MTPN: variants seen among roughly 807,000 people sequenced by gnomAD.
MTPN encodes myotrophin, also known as granule cell differentiation protein.
In MTPN, 2 loss-of-function variants were observed where a neutral mutation model predicts 13.5. The ratio of observed to expected loss-of-function variants is 0.15; its 90% CI spans 0.06 to 0.47. MTPN has a LOEUF of 0.47. Among genes scored for constraint, MTPN ranks in the 20% least tolerant of loss-of-function variants. MTPN has a pLI of 0.97. For synonymous variants in MTPN, 46 were observed against 51.7 expected (o/e 0.89, Z 0.48); for missense variants, 79 against 137.9 (o/e 0.57, Z 2.14).
chr7:135,972,470 T>C (rs940172831), intron 1 of MTPN, among the ~76,000 whole-genome samples: 3 of 152,206 alleles, frequency 2.0e-5, no homozygotes, highest in Non-Finnish European at 2.9e-5. Flanking sequence ...ATGTAAGTCA[T>C]CCAGTCAATG....
chr7:135,941,204 G>C (rs1005792153), intron 3 of MTPN, among the ~76,000 whole-genome samples: 1 of 152,162 alleles, frequency 6.6e-6, no homozygotes, highest in African/African-American at 2.4e-5. Flanking sequence ...CTAAAAATAG[G>C]AAAGACCATT....
chr7:135,940,750 C>T (rs1207558414), intron 3 of MTPN, among the ~76,000 whole-genome samples: 1 of 152,162 alleles, frequency 6.6e-6, no homozygotes, highest in Non-Finnish European at 1.5e-5. Flanking sequence ...GAATTTATTA[C>T]CTTTAGATAT....
Position 135,954,680 on chromosome 7 carries a change from C to T in MTPN, c.73-3050G>A, listed in dbSNP as rs199654781. Reference sequence around the variant, plus strand: ...CTTCAGGGCTGGGCACGGTGGCTCACGCCTGTAATCCTAGCACTTTGGGAG... The same window carrying T: ...CTTCAGGGCTGGGCACGGTGGCTCATGCCTGTAATCCTAGCACTTTGGGAG... On this transcript the variant is annotated intron_variant, in intron 1 of 3. Coordinates refer to ENST00000393085, the MANE Select transcript of MTPN (RefSeq NM_145808.4). Among the ~76,000 whole-genome samples the T allele has an allele frequency of 2.3e-3, 348 of 152,284 alleles. 2 individuals are homozygous for T. The highest frequency in any genetic ancestry group is 3.9e-3 in the Non-Finnish European group (266 of 68,022).
Position 135,927,543 on chromosome 7 carries a change from A to G in MTPN, c.*2383T>C, listed in dbSNP as rs765800907. 1.9e-5 allele frequency: 15 copies of G among 777,170 alleles called. No individual in the cohort carries two copies. In the African/African-American group the frequency reaches 2.6e-4, roughly 14 times the overall value. 48.1% of individuals were successfully genotyped at this position (777,170 alleles called of 1,614,324 possible). On this transcript the variant is annotated 3_prime_UTR_variant, in exon 4 of 4. Transcript: ENST00000393085. The stretch of plus-strand genomic sequence containing the variant: ...TACTTAACCTTTCGCTAATGCATGT[A>G]GTACCAGAAAGCAAACATGGTTTTA...
intron 1 of MTPN, among the ~76,000 whole-genome samples, chr7:135,964,093 AAC>A (rs2116398547): frequency 6.6e-6 from 1 of 152,212 alleles, no homozygotes; most frequent in Admixed American, 6.5e-5. Flanking sequence ...AAAAAAGACT[AAC>A]AATCAAAAAG....
chr7:135,977,346 G>A lies in MTPN; in HGVS notation c.-246C>T, dbSNP rs1037822096. On this transcript the variant is annotated 5_prime_UTR_variant, in exon 1 of 4. Coordinates refer to ENST00000393085, the MANE Select transcript of MTPN (RefSeq NM_145808.4). ...GTTCCGCCTGGCCGAGGAGAGGCAG[G>A]AACCTTTACACTTCCGGTTCACTCC... is the stretch of plus-strand genomic sequence containing the variant. The A allele has an allele frequency of 3.6e-5, 20 of 555,274 alleles. No homozygotes were observed. Among genetic ancestry groups the A allele is most frequent in the Non-Finnish European group, 9.7e-6 (3 of 309,008 alleles). The allele number at this position is 555,274 out of a possible 1,614,324, so 34.4% of individuals were successfully genotyped here.
intron 3 of MTPN, among the ~76,000 whole-genome samples, chr7:135,934,573 C>T (rs1430985146): frequency 6.6e-6 from 1 of 152,230 alleles, no homozygotes; most frequent in Non-Finnish European, 1.5e-5. Context: ...TGGACAACTA[C>T]AACCTAGGGT....
chr7:135,930,261 T>G (rs6467618), intron 3 of MTPN, among the ~76,000 whole-genome samples: 12,119 of 152,252 alleles, frequency 0.08, 538 homozygotes, highest in South Asian at 0.15. Context: ...TATACTATCA[T>G]GGATGAGATG....
chr7:135,930,168 C>T (rs1798995903), intron 3 of MTPN, among the ~76,000 whole-genome samples, 156 bp from the exon 4 acceptor site: 1 of 152,126 alleles, frequency 6.6e-6, no homozygotes, highest in Non-Finnish European at 1.5e-5. Flanking sequence ...AACAAGTTGG[C>T]AACATTATGG....
chr7:135,933,011 A>G (rs1799048662), intron 3 of MTPN: 1 of 150,580 alleles, frequency 6.6e-6, no homozygotes, highest in African/African-American at 2.5e-5. Flanking sequence ...AATCACTTGA[A>G]CCCAGGAGGC....
At chr7:135,973,465 A>T (rs1799726544) in intron 1 of MTPN, among the ~76,000 whole-genome samples, 2 of 150,702 alleles carry the variant, frequency 1.3e-5, no homozygotes, top group South Asian at 2.1e-4. Flanking sequence ...TGGAGACACA[A>T]TAGGAATAAA....
Position 135,950,682 on chromosome 7 carries a change from C to T in MTPN, c.187G>A (p.Ala63Thr). 1.3e-6 allele frequency: 2 copies of T among 1,599,250 alleles called. No homozygotes were observed. Among genetic ancestry groups the T allele is most frequent in the Non-Finnish European group, 1.7e-6 (2 of 1,168,968 alleles). ...FLLLKGADIN[A>T]PDKHHITPLL... The stretch of plus-strand genomic sequence containing the variant: ...GGAGTAATATGATGTTTATCTGGAG[C>T]CTATGAAATAATAAACAGAGATAAC... The change falls in exon 3 of 4, where the codon GCT (alanine) becomes ACT (threonine). Residue 63 changes from alanine to threonine, a missense_variant and splice_region_variant. Ala to Thr is a moderately conservative substitution (Grantham distance 58). Transcript: ENST00000393085.
intron 1 of MTPN, 34 bp downstream of exon 1, chr7:135,976,995 C>T: frequency 6.2e-7 from 1 of 1,605,616 alleles, no homozygotes; most frequent in Non-Finnish European, 8.5e-7. Flanking sequence ...AGCCCACCTC[C>T]GTGTTCTCGC....
chr7:135,964,117 A>G (rs138771800), intron 1 of MTPN, among the ~76,000 whole-genome samples: 153 of 152,200 alleles, frequency 1.0e-3, no homozygotes, highest in African/African-American at 3.4e-3. Flanking sequence ...AGCTTCATTT[A>G]TAAGATTCTA....
rs145602575 is a variant in MTPN, at chr7:135,935,269, C to T, written c.271-5257G>A. On this transcript the variant is annotated intron_variant, in intron 3 of 3. Coordinates refer to ENST00000393085, the MANE Select transcript of MTPN (RefSeq NM_145808.4). ...TTTTTTTTTTTTTGAGATGGAGTCT[C>T]GCTCTGTCACCCAGGCTGGAGTGCA... Among the ~76,000 whole-genome samples, 2,313 of 150,378 alleles carry T rather than the reference C, an allele frequency of 0.015. 90 individuals are homozygous for T. The East Asian group carries it at 0.18, about 11-fold the overall frequency.
intron 1 of MTPN, among the ~76,000 whole-genome samples, chr7:135,955,276 G>C (rs893928642): frequency 7.2e-5 from 11 of 152,016 alleles, no homozygotes; most frequent in Non-Finnish European, 1.0e-4. Flanking sequence ...AAATAAGCAA[G>C]AGAAAAGAAT....
At chr7:135,963,037 A>C (rs188485785) in intron 1 of MTPN, among the ~76,000 whole-genome samples, 5 of 152,058 alleles carry the variant, frequency 3.3e-5, no homozygotes, top group African/African-American at 4.8e-5. Context: ...CTAAATTAGC[A>C]TATGTGTCAC....
intron 3 of MTPN, among the ~76,000 whole-genome samples, chr7:135,946,790 C>T (rs2116367773): frequency 6.6e-6 from 1 of 152,212 alleles, no homozygotes; most frequent in Admixed American, 6.5e-5. Flanking sequence ...TACAGGCTGC[C>T]TATTATTGCT....
chr7:135,955,800 A>T (rs1799434332), intron 1 of MTPN, among the ~76,000 whole-genome samples: 1 of 152,000 alleles, frequency 6.6e-6, no homozygotes, highest in Non-Finnish European at 1.5e-5. Context: ...TTACCATTTT[A>T]ACACAGAGAA....
Sources: allele counts gnomAD v4.1 joint callset (sites outside exome capture counted in the v4.1 genomes callset), GRCh38; gene constraint gnomAD v4.1.1; transcripts MANE v1.5; gene names NCBI Gene and HGNC (gene_info 2026-07-23, HGNC 2026-07-21).